Variants in FRMD5 observed in about 807,000 individuals in gnomAD.
FRMD5 encodes FERM domain-containing protein 5.
A neutral mutation model predicts 69.0 loss-of-function variants in FRMD5; 20 were observed. The observed-to-expected ratio is 0.29, with a 90% CI of 0.20 to 0.42. The LOEUF is 0.42. Ranked by LOEUF, FRMD5 falls within the 10% of genes least tolerant of loss-of-function variation. The pLI is 1.00. For missense variants in FRMD5, 595 were observed against 708.6 expected, an observed-to-expected ratio of 0.84 and a Z score of 1.82; for synonymous variants, 271 against 260.1, an observed-to-expected ratio of 1.04 and a Z score of -0.40.
At chr15:44,071,509 T>C (rs1181395731) in intron 1 of FRMD5, among the ~76,000 whole-genome samples, 1 of 152,158 alleles carries the variant, frequency 6.6e-6, no homozygotes, top group African/African-American at 2.4e-5. Context: ...AACTCTCTCC[T>C]CCCTACTTAA....
At chr15:43,959,568 A>G (rs965402546) in intron 1 of FRMD5, among the ~76,000 whole-genome samples, 2 of 152,238 alleles carry the variant, frequency 1.3e-5, no homozygotes, top group Non-Finnish European at 2.9e-5. Context: ...ATGAGACACA[A>G]GAACTCTGAC....
chr15:44,037,970 T>C (rs1891998105), intron 1 of FRMD5, among the ~76,000 whole-genome samples: 1 of 152,242 alleles, frequency 6.6e-6, no homozygotes, highest in East Asian at 1.9e-4. Flanking sequence ...TGTTGTTTCC[T>C]GGCTTTTTAG....
intron 9 of FRMD5, 27 bp from the exon 10 acceptor site, chr15:43,888,293 C>T: frequency 6.7e-7 from 1 of 1,503,458 alleles, no homozygotes; most frequent in Non-Finnish European, 9.3e-7. Context: ...ATTGATATGG[C>T]TGAGTGTGGA....
chr15:44,194,887 G>T, intron 1 of FRMD5, 66 bp downstream of exon 1: 1 of 1,376,670 alleles, frequency 7.3e-7, no homozygotes, highest in Non-Finnish European at 9.9e-7. Context: ...GCCGCCGCCG[G>T]CCAAGTTGAC....
At chr15:44,046,496 C>T (rs1470338242) in intron 1 of FRMD5, among the ~76,000 whole-genome samples, 1 of 152,168 alleles carries the variant, frequency 6.6e-6, no homozygotes, top group Non-Finnish European at 1.5e-5. Flanking sequence ...ATGTCCAGTG[C>T]CAACTCAAGG....
chr15:44,126,680 T>C (rs528118915), intron 1 of FRMD5, among the ~76,000 whole-genome samples: 2 of 152,302 alleles, frequency 1.3e-5, no homozygotes, highest in Middle Eastern at 3.4e-3. Flanking sequence ...CCCTAGACTC[T>C]TCCCTCATTA....
chr15:43,875,835 T>C (rs1378458789), intron 13 of FRMD5: 1 of 310,000 alleles, frequency 3.2e-6, no homozygotes, highest in Admixed American at 4.6e-5. Flanking sequence ...TTTCTTTCAG[T>C]CTTTCATATG....
intron 4 of FRMD5, among the ~76,000 whole-genome samples, chr15:43,918,413 A>T (rs2089434084): frequency 6.6e-6 from 1 of 152,182 alleles, no homozygotes; most frequent in Admixed American, 6.5e-5. Context: ...AACAAGAGCG[A>T]AACTCTGTCT....
intron 1 of FRMD5, among the ~76,000 whole-genome samples, chr15:43,997,056 A>G (rs995469906): frequency 6.6e-6 from 1 of 152,212 alleles, no homozygotes; most frequent in African/African-American, 2.4e-5. Context: ...CTGCTCAGGT[A>G]TACTCTAGTC....
chr15:43,954,606 A>G (rs1383629197), intron 1 of FRMD5, among the ~76,000 whole-genome samples: 1 of 152,234 alleles, frequency 6.6e-6, no homozygotes, highest in East Asian at 1.9e-4. Context: ...CTGGTTTGCC[A>G]TATCTGAACA....
At chr15:43,904,955 G>C (rs750537167) in intron 6 of FRMD5, among the ~76,000 whole-genome samples, 6 of 151,516 alleles carry the variant, frequency 4.0e-5, no homozygotes, top group Admixed American at 6.6e-5. Flanking sequence ...GGTAGGGTAT[G>C]GGGGGGGCCT....
intron 1 of FRMD5, among the ~76,000 whole-genome samples, chr15:44,181,463 GTA>G (rs1190348016): frequency 6.6e-6 from 1 of 152,088 alleles, no homozygotes; most frequent in Non-Finnish European, 1.5e-5. Flanking sequence ...CATAACTATA[GTA>G]TGTTATCAAA....
chr15:44,014,694 G>A (rs959941624), intron 1 of FRMD5, among the ~76,000 whole-genome samples: 7 of 151,994 alleles, frequency 4.6e-5, no homozygotes, highest in South Asian at 2.1e-4. Context: ...CCAAGATTGC[G>A]CCAATGCACT....
chr15:44,044,072 T>C (rs1892322809), intron 1 of FRMD5, among the ~76,000 whole-genome samples: 1 of 151,630 alleles, frequency 6.6e-6, no homozygotes, highest in South Asian at 2.1e-4. Context: ...CTTAAACAAA[T>C]TTACAATAAA....
chr15:44,113,154 C>T (rs1037996247), intron 1 of FRMD5, among the ~76,000 whole-genome samples: 1 of 152,196 alleles, frequency 6.6e-6, no homozygotes, highest in Non-Finnish European at 1.5e-5. Flanking sequence ...TCCCCAAGAA[C>T]ACCTCTTGAC....
chr15:44,010,648 G>C (rs1021361986), intron 1 of FRMD5, among the ~76,000 whole-genome samples: 1 of 152,138 alleles, frequency 6.6e-6, no homozygotes, highest in Non-Finnish European at 1.5e-5. Flanking sequence ...GCCTCCCAAA[G>C]TGCTGGGATT....
At chr15:43,885,617 A>T in intron 11 of FRMD5, 64 bp downstream of exon 11, 1 of 1,369,412 alleles carries the variant, frequency 7.3e-7, no homozygotes, top group Non-Finnish European at 1.0e-6. Context: ...GATAAGGACC[A>T]CTGAGTTCTC....
intron 1 of FRMD5, among the ~76,000 whole-genome samples, chr15:44,108,824 G>A (rs1651025947): frequency 6.6e-6 from 1 of 151,920 alleles, no homozygotes; most frequent in African/African-American, 2.4e-5. Context: ...AGCCGGGCAT[G>A]GTGGCACAAG....
chr15:43,986,672 T>C (rs1201647436), intron 1 of FRMD5, among the ~76,000 whole-genome samples: 2 of 150,868 alleles, frequency 1.3e-5, no homozygotes, highest in Non-Finnish European at 2.9e-5. Context: ...CTCAGTATCA[T>C]AAACTATATG....
Sources: gnomAD v4.1 joint callset for allele counts (sites outside exome capture counted in the v4.1 genomes callset) on GRCh38, gnomAD v4.1.1 for gene constraint, MANE v1.5 for transcripts, NCBI Gene and HGNC (gene_info 2026-07-23, HGNC 2026-07-21) for gene names.